CFAP300: variants seen among roughly 807,000 people sequenced by gnomAD.
The protein encoded by CFAP300 is cilia and flagella associated protein 300.
CFAP300 carries 32 observed loss-of-function variants against 33.0 expected under a neutral mutation model. That is an observed-to-expected ratio of 0.97 (90% CI 0.73 to 1.30). The LOEUF (loss-of-function observed/expected upper bound fraction) is 1.30. CFAP300 is among the 50% of genes most tolerant of loss of function. The pLI is 0.00. For synonymous variants in CFAP300, 102 were observed against 106.8 expected (o/e 0.95, Z 0.28); for missense variants, 356 against 318.1 (o/e 1.12, Z -0.90).
At chr11:102,066,085 G>A (rs2135033409) in intron 3 of CFAP300, among the ~76,000 whole-genome samples, 1 of 151,470 alleles carries the variant, frequency 6.6e-6, no homozygotes, top group Non-Finnish European at 1.5e-5. Context: ...AGCCTCCCTA[G>A]TAGCTGGGAT....
At chr11:102,057,420 T>C (rs924408556) in intron 2 of CFAP300, among the ~76,000 whole-genome samples, 1 of 145,628 alleles carries the variant, frequency 6.9e-6, no homozygotes, top group African/African-American at 2.6e-5. Flanking sequence ...GAAGAAAATT[T>C]AGGTTTGTCA....
At chr11:102,070,738 T>C (rs1341770015) in intron 4 of CFAP300, among the ~76,000 whole-genome samples, 2 of 152,306 alleles carry the variant, frequency 1.3e-5, no homozygotes, top group East Asian at 3.9e-4. Flanking sequence ...CATGGGTATA[T>C]TATATTTCCA....
chr11:102,058,766 A>G lies in CFAP300; in HGVS notation c.193-114A>G, dbSNP rs1942095994. 9.2e-6 allele frequency: 6 copies of G among 654,624 alleles called. No homozygotes were observed. In the South Asian group the frequency reaches 1.2e-4, roughly 13 times the overall value. The allele number at this position is 654,624 out of a possible 1,614,324, so 40.6% of individuals were successfully genotyped here. ...TCTTTATTACTCAGACATTTTACCA[A>G]TTTAAAATTGTCCTTTCTATTTGAA... On this transcript the variant is annotated intron_variant, in intron 2 of 6. Transcript: ENST00000434758.
At position 102,069,850 on chromosome 11, in the gene CFAP300, T is replaced by G. The variant is rs567489813; in HGVS notation, c.435+3199T>G. The stretch of plus-strand genomic sequence containing the variant: ...GTCATGGTGGCGTGTACCTGTAGTC[T>G]CAGCTACTTGGAAGGCGGAGGTGGG... On this transcript the variant is annotated intron_variant, in intron 4 of 6. Coordinates refer to ENST00000434758, the MANE Select transcript of CFAP300 (RefSeq NM_032930.3). Among the ~76,000 whole-genome samples the G allele has an allele frequency of 2.6e-5, 4 of 151,920 alleles. No homozygotes were observed. In the South Asian group the frequency reaches 6.2e-4, roughly 24 times the overall value.
Position 102,076,048 on chromosome 11 carries a change from A to G in CFAP300, c.608+3A>G. On this transcript the variant is annotated splice_donor_region_variant and intron_variant, in intron 5 of 6. Transcript: ENST00000434758. ...CTTATCTATAAGGATCTGGTGAGGT[A>G]ATGTTGCTAGATCACAATATGTAAA... The G allele has an allele frequency of 6.2e-7, 1 of 1,602,456 alleles. No homozygotes were observed. The highest frequency in any genetic ancestry group is 1.3e-5 in the African/African-American group (1 of 74,384).
At chr11:102,076,613 T>G (rs1942398845) in intron 5 of CFAP300, among the ~76,000 whole-genome samples, 1 of 152,212 alleles carries the variant, frequency 6.6e-6, no homozygotes, top group Non-Finnish European at 1.5e-5. Flanking sequence ...GTTCTTTGGT[T>G]GGGTTTTTCA....
chr11:102,080,021 C>T (rs1307070113), intron 5 of CFAP300, among the ~76,000 whole-genome samples: 1 of 152,112 alleles, frequency 6.6e-6, no homozygotes, highest in African/African-American at 2.4e-5. Flanking sequence ...GTGGCCATCA[C>T]CTGTAATCCC....
intron 3 of CFAP300, among the ~76,000 whole-genome samples, chr11:102,065,951 T>C (rs1316881023): frequency 6.7e-6 from 1 of 150,320 alleles, no homozygotes; most frequent in African/African-American, 2.5e-5. Context: ...AGTCCAGAAA[T>C]GGTGAGATTT....
rs535645138 is a variant in CFAP300, at chr11:102,083,358, A to G, written c.*159A>G. On this transcript the variant is annotated 3_prime_UTR_variant, in exon 7 of 7. Transcript: ENST00000434758. ...GCAAACACCAAGATGCCTTTTTAAAAATTTGTGTGGAATACTAACCGGGGA... is the reference window on the plus strand; with the variant it reads ...GCAAACACCAAGATGCCTTTTTAAAGATTTGTGTGGAATACTAACCGGGGA... 1 of 451,120 alleles carries G rather than the reference A, an allele frequency of 2.2e-6. No homozygotes were observed. Among genetic ancestry groups the G allele is most frequent in the African/African-American group, 2.0e-5 (1 of 48,992 alleles). The allele number at this position is 451,120 out of a possible 1,614,324, so 27.9% of individuals were successfully genotyped here.
chr11:102,047,969 C>A, intron 2 of CFAP300, 73 bp downstream of exon 2: 3 of 1,411,490 alleles, frequency 2.1e-6, no homozygotes, highest in South Asian at 1.2e-5. Flanking sequence ...GGCATAGATT[C>A]TTGTGAACAC....
At chr11:102,078,714 T>G (rs749512603) in intron 5 of CFAP300, among the ~76,000 whole-genome samples, 13 of 152,186 alleles carry the variant, frequency 8.5e-5, no homozygotes, top group African/African-American at 2.4e-4. Context: ...GTTTTGTTTT[T>G]TTTTATTTTT....
chr11:102,057,815 G>A (rs1040844392), intron 2 of CFAP300: 1 of 152,278 alleles, frequency 6.6e-6, no homozygotes, highest in Non-Finnish European at 1.5e-5. Context: ...GACAGACCTG[G>A]CACAGCAATG....
chr11:102,058,319 T>C (rs117706028), intron 2 of CFAP300, among the ~76,000 whole-genome samples: 1,761 of 151,926 alleles, frequency 0.012, 19 homozygotes, highest in Non-Finnish European at 0.019. Flanking sequence ...AGACTGACAA[T>C]ATGCCGACAT....
intron 2 of CFAP300, among the ~76,000 whole-genome samples, chr11:102,052,068 A>T (rs11826712): frequency 6.6e-6 from 1 of 152,246 alleles, no homozygotes; most frequent in Non-Finnish European, 1.5e-5. Context: ...GACATTTTTT[A>T]AAAATTCACT....
At chr11:102,081,464 T>C in intron 6 of CFAP300, 183 bp downstream of exon 6, 1 of 599,944 alleles carries the variant, frequency 1.7e-6, no homozygotes, top group Non-Finnish European at 2.9e-6. Context: ...TTTGAACTTT[T>C]TTCCCTGGCT....
At chr11:102,061,640 A>T (rs987235389) in intron 3 of CFAP300, among the ~76,000 whole-genome samples, 1 of 152,180 alleles carries the variant, frequency 6.6e-6, no homozygotes, top group African/African-American at 2.4e-5. Flanking sequence ...ATATATCACT[A>T]TTTTACAAAT....
intron 4 of CFAP300, among the ~76,000 whole-genome samples, chr11:102,068,869 A>G (rs1450235526): frequency 1.3e-5 from 2 of 152,174 alleles, no homozygotes; most frequent in Non-Finnish European, 2.9e-5. Flanking sequence ...CTTACCAAGG[A>G]TTGGAAATTA....
intron 4 of CFAP300, 23 bp downstream of exon 4, chr11:102,066,674 T>A (rs781188107): frequency 6.4e-7 from 1 of 1,566,292 alleles, no homozygotes; most frequent in Non-Finnish European, 8.6e-7. Flanking sequence ...TTTTAAAATT[T>A]CGCAGTGGAA....
chr11:102,051,107 C>T (rs896793594), intron 2 of CFAP300, among the ~76,000 whole-genome samples: 1 of 152,088 alleles, frequency 6.6e-6, no homozygotes, highest in African/African-American at 2.4e-5. Flanking sequence ...AAGTTTCTGG[C>T]TTGGTTGACT....
Sources: allele counts gnomAD v4.1 joint callset (sites outside exome capture counted in the v4.1 genomes callset), GRCh38; gene constraint gnomAD v4.1.1; transcripts MANE v1.5; gene names NCBI Gene and HGNC (gene_info 2026-07-23, HGNC 2026-07-21).